CTNNA2: variants seen among roughly 807,000 people sequenced by gnomAD.
CTNNA2 encodes the protein catenin alpha-2.
Under a neutral mutation model 101.0 loss-of-function variants are expected in CTNNA2, and 42 were observed. The observed-to-expected ratio is 0.42, with a 90% CI of 0.32 to 0.54. The LOEUF (loss-of-function observed/expected upper bound fraction) is 0.54. Among genes scored for constraint, CTNNA2 ranks in the 20% least tolerant of loss-of-function variants. CTNNA2 has a pLI of 0.14. For synonymous variants in CTNNA2, 450 were observed against 456.4 expected, an observed-to-expected ratio of 0.99 and a Z score of 0.18; for missense variants, 871 against 1,223.1, an observed-to-expected ratio of 0.71 and a Z score of 4.29.
chr2:79,583,032 T>C (rs967775101), intron 1 of CTNNA2, among the ~76,000 whole-genome samples: 2 of 152,070 alleles, frequency 1.3e-5, no homozygotes, highest in African/African-American at 4.8e-5. Context: ...ATAATTATTT[T>C]TGAATTCACC....
At chr2:79,328,968 A>G (rs567488960) in intron 3 of CTNNA2, among the ~76,000 whole-genome samples, 2 of 152,256 alleles carry the variant, frequency 1.3e-5, no homozygotes, top group Non-Finnish European at 2.9e-5. Context: ...CTGTCTTCAC[A>G]TGGCATTGTT....
chr2:79,369,756 C>T, intron 3 of CTNNA2, among the ~76,000 whole-genome samples: 1 of 152,178 alleles, frequency 6.6e-6, no homozygotes, highest in East Asian at 1.9e-4. Flanking sequence ...CATTTACCTC[C>T]ACTGGGAGTA....
intron 7 of CTNNA2, chr2:80,289,266 T>C (rs926434478): frequency 6.6e-6 from 1 of 152,178 alleles, no homozygotes; most frequent in Non-Finnish European, 1.5e-5. Flanking sequence ...TGTCAAAGCA[T>C]CTGTAGTGGC....
chr2:79,568,405 C>A (rs1675247865), intron 1 of CTNNA2, among the ~76,000 whole-genome samples: 1 of 151,792 alleles, frequency 6.6e-6, no homozygotes, highest in Non-Finnish European at 1.5e-5. Context: ...AGTTCAAGAC[C>A]AGCCTGGCCA....
intron 7 of CTNNA2, among the ~76,000 whole-genome samples, chr2:80,062,595 T>A (rs1697673678): frequency 6.6e-6 from 1 of 152,150 alleles, no homozygotes; most frequent in East Asian, 1.9e-4. Flanking sequence ...ATTCTCTCTA[T>A]CATTTTGAGG....
chr2:79,792,146 A>G (rs1675321130), intron 3 of CTNNA2, among the ~76,000 whole-genome samples: 1 of 151,868 alleles, frequency 6.6e-6, no homozygotes, highest in South Asian at 2.1e-4. Flanking sequence ...GGTGACTGGT[A>G]TGTTCTCTGC....
chr2:79,932,548 G>A (rs1278766926), intron 7 of CTNNA2, among the ~76,000 whole-genome samples: 1 of 150,210 alleles, frequency 6.7e-6, no homozygotes, highest in Non-Finnish European at 1.5e-5. Flanking sequence ...GTTTCAGCTT[G>A]AATTTATGAT....
chr2:80,035,238 T>C (rs557384869), intron 7 of CTNNA2, among the ~76,000 whole-genome samples: 19 of 152,316 alleles, frequency 1.2e-4, no homozygotes, highest in Non-Finnish European at 2.6e-4. Context: ...CATATGTTCA[T>C]ACTTGCAGGT....
rs117765208 is a variant in CTNNA2 at position 80,141,582 on chromosome 2, T to G, written c.1056+231785T>G. The stretch of plus-strand genomic sequence containing the variant: ...CAAGCCCAAGTGAGGTGACTGTAGG[T>G]TTGGGGCAGACAACATAAACCACCA... On this transcript the variant is annotated intron_variant, in intron 7 of 18. Coordinates refer to ENST00000402739, the MANE Select transcript of CTNNA2 (RefSeq NM_001282597.3). 4.2e-3 allele frequency among the ~76,000 whole-genome samples: 632 copies of G among 152,060 alleles called. 2 individuals are homozygous for G. The highest frequency in any genetic ancestry group is 0.02 in the East Asian group (104 of 5,152).
At chr2:79,325,342 AAG>A (rs1352904522) in intron 3 of CTNNA2, among the ~76,000 whole-genome samples, 2 of 152,184 alleles carry the variant, frequency 1.3e-5, no homozygotes, top group Non-Finnish European at 2.9e-5. Flanking sequence ...CCTGAAAGCA[AAG>A]AGAGAGACGA....
chr2:80,400,020 C>G (rs1678408542), intron 8 of CTNNA2, among the ~76,000 whole-genome samples: 1 of 152,164 alleles, frequency 6.6e-6, no homozygotes, highest in Non-Finnish European at 1.5e-5. Flanking sequence ...TTATCCAAAA[C>G]TGTCACTGAA....
At chr2:79,889,690 TTTCTTC>T (rs750666019) in intron 6 of CTNNA2, among the ~76,000 whole-genome samples, 3 of 152,178 alleles carry the variant, frequency 2.0e-5, no homozygotes, top group Admixed American at 6.5e-5. Context: ...AAATACTAGT[TTTCTTC>T]TTCTCCTACC....
chr2:80,338,386 G>T (rs1313542863), intron 7 of CTNNA2, among the ~76,000 whole-genome samples: 5 of 150,580 alleles, frequency 3.3e-5, no homozygotes, highest in African/African-American at 1.2e-4. Flanking sequence ...GTCTTTCTGT[G>T]GGAACTCCAG....
chr2:79,911,395 T>C (rs1558634427), intron 7 of CTNNA2, among the ~76,000 whole-genome samples: 1 of 152,180 alleles, frequency 6.6e-6, no homozygotes, highest in Non-Finnish European at 1.5e-5. Flanking sequence ...GGTTAAGATC[T>C]CAATATAAAT....
intron 7 of CTNNA2, among the ~76,000 whole-genome samples, chr2:79,978,473 A>T (rs966744887): frequency 2.2e-4 from 33 of 152,156 alleles, no homozygotes; most frequent in Non-Finnish European, 1.5e-5. Flanking sequence ...AATGACTATC[A>T]TCAAGGGACA....
intron 7 of CTNNA2, among the ~76,000 whole-genome samples, chr2:80,376,775 C>T (rs898223726): frequency 6.6e-6 from 1 of 152,196 alleles, no homozygotes; most frequent in African/African-American, 2.4e-5. Context: ...CTGCATCTGG[C>T]TTTCTAATTT....
intron 1 of CTNNA2, among the ~76,000 whole-genome samples, chr2:79,609,181 A>G (rs1041081719): frequency 7.2e-5 from 11 of 152,058 alleles, no homozygotes; most frequent in African/African-American, 2.7e-4. Context: ...GCTGAACAAA[A>G]GCAAAGATCT....
At chr2:79,963,028 G>A (rs984293176) in intron 7 of CTNNA2, among the ~76,000 whole-genome samples, 62 of 130,348 alleles carry the variant, frequency 4.8e-4, no homozygotes, top group African/African-American at 1.8e-3. Flanking sequence ...CTGAGATTGC[G>A]CCACTGCACT....
chr2:79,478,476 G>T (rs1351406222), intron 4 of CTNNA2, among the ~76,000 whole-genome samples: 1 of 152,168 alleles, frequency 6.6e-6, no homozygotes, highest in African/African-American at 2.4e-5. Flanking sequence ...TCGATGATCA[G>T]ATAGAAGGAG....
Sources: allele counts gnomAD v4.1 joint callset (sites outside exome capture counted in the v4.1 genomes callset), GRCh38; gene constraint gnomAD v4.1.1; transcripts MANE v1.5; gene names NCBI Gene and HGNC (gene_info 2026-07-23, HGNC 2026-07-21).